TNFSF4: variants seen among roughly 807,000 people sequenced by gnomAD.
TNFSF4 encodes tumor necrosis factor ligand superfamily member 4.
Under a neutral mutation model 7.3 loss-of-function variants are expected in TNFSF4, and 4 were observed. That is an observed-to-expected ratio of 0.55 (90% CI 0.27 to 1.25). The LOEUF is 1.25. TNFSF4 is among the 50% of genes most tolerant of loss of function. The pLI, the probability that TNFSF4 is intolerant of heterozygous loss-of-function variation, is 0.12. For synonymous variants in TNFSF4, 76 were observed against 83.7 expected (o/e 0.91, Z 0.50); for missense variants, 181 against 208.8 (o/e 0.87, Z 0.82).
At chr1:173,237,675 A>G in the TNFSF4 span, among the ~76,000 whole-genome samples, 1 of 152,202 alleles carries the variant, frequency 6.6e-6, no homozygotes, top group African/African-American at 2.4e-5. Context: ...AAAAAGGATA[A>G]AATGCCTAGT....
the TNFSF4 span, among the ~76,000 whole-genome samples, chr1:173,245,795 T>A: frequency 6.6e-6 from 1 of 152,192 alleles, no homozygotes; most frequent in African/African-American, 2.4e-5. Context: ...TGTACTTCTA[T>A]GAGATCTACT....
chr1:173,197,310 T>A (rs1430662416), intron 1 of TNFSF4, among the ~76,000 whole-genome samples: 2 of 152,340 alleles, frequency 1.3e-5, no homozygotes, highest in East Asian at 3.9e-4. Flanking sequence ...AGAAACACCA[T>A]TTGACCCAGC....
At chr1:173,395,346 A>C in the TNFSF4 span, among the ~76,000 whole-genome samples, 4 of 139,564 alleles carry the variant, frequency 2.9e-5, no homozygotes, top group Non-Finnish European at 6.2e-5. Context: ...ACCACTTATA[A>C]GCATCAAAAA....
chr1:173,203,452 TAAA>T (rs1338058484), intron 1 of TNFSF4, among the ~76,000 whole-genome samples: 1 of 152,188 alleles, frequency 6.6e-6, no homozygotes, highest in Non-Finnish European at 1.5e-5. Context: ...GGTCTATTGT[TAAA>T]AAAGAACTTC....
chr1:173,205,715 T>A (rs1198309398), intron 1 of TNFSF4: 2 of 427,980 alleles, frequency 4.7e-6, no homozygotes, highest in African/African-American at 4.3e-5. Flanking sequence ...GTCTTGGGCA[T>A]CCGGTCGATG....
the TNFSF4 span, among the ~76,000 whole-genome samples, chr1:173,301,997 G>T: frequency 1.3e-3 from 192 of 151,838 alleles, no homozygotes; most frequent in African/African-American, 4.4e-3. Flanking sequence ...GAATTTATGG[G>T]AGAAAAAAAG....
the TNFSF4 span, among the ~76,000 whole-genome samples, chr1:173,414,836 A>G: frequency 2.0e-5 from 3 of 152,208 alleles, no homozygotes; most frequent in Non-Finnish European, 4.4e-5. Context: ...CCTGACTCTC[A>G]TATGACTTTG....
chr1:173,198,060 T>C (rs1235725175), intron 1 of TNFSF4, among the ~76,000 whole-genome samples: 1 of 152,218 alleles, frequency 6.6e-6, no homozygotes, highest in East Asian at 1.9e-4. Flanking sequence ...CCATTCATCC[T>C]TGAATACAAA....
chr1:173,402,857 T>C, the TNFSF4 span, among the ~76,000 whole-genome samples: 1 of 151,790 alleles, frequency 6.6e-6, no homozygotes, highest in Non-Finnish European at 1.5e-5. Context: ...ATTTGCATTT[T>C]TTTTTTTTCT....
chr1:173,174,255 T>C, the TNFSF4 span: 3 of 152,252 alleles, frequency 2.0e-5, no homozygotes, highest in African/African-American at 7.2e-5. Context: ...TATCCGCATT[T>C]TGATCAAAGC....
the TNFSF4 span, among the ~76,000 whole-genome samples, chr1:173,258,210 G>A: frequency 2.0e-5 from 3 of 151,672 alleles, no homozygotes; most frequent in Admixed American, 2.0e-4. Flanking sequence ...CTGATTAGAA[G>A]CAGCTGCAGT....
chr1:173,430,024 CAG>C, the TNFSF4 span, among the ~76,000 whole-genome samples: 2 of 152,320 alleles, frequency 1.3e-5, no homozygotes, highest in Non-Finnish European at 2.9e-5. Context: ...GTCCTCAAGA[CAG>C]AGTGTGTAGG....
chr1:173,257,018 A>G, the TNFSF4 span, among the ~76,000 whole-genome samples: 1 of 152,236 alleles, frequency 6.6e-6, no homozygotes. Context: ...TTCCTTCTTC[A>G]TCACTTCTCC....
the TNFSF4 span, among the ~76,000 whole-genome samples, chr1:173,446,460 A>C: frequency 6.6e-6 from 1 of 152,324 alleles, no homozygotes; most frequent in South Asian, 2.1e-4. Context: ...AAGTGAATGA[A>C]TAAATAAACT....
downstream of TNFSF4, among the ~76,000 whole-genome samples, chr1:173,183,286 T>C (rs1649089505): frequency 6.6e-6 from 1 of 152,026 alleles, no homozygotes; most frequent in Admixed American, 6.6e-5. Context: ...GGAACAGAAG[T>C]GTTTTAAGGA....
the TNFSF4 span, among the ~76,000 whole-genome samples, chr1:173,427,053 G>C: frequency 2.0e-5 from 3 of 152,112 alleles, no homozygotes; most frequent in African/African-American, 7.2e-5. Context: ...ATCTGGACTC[G>C]TCACCTTCAG....
At chr1:173,311,872 C>A in the TNFSF4 span, among the ~76,000 whole-genome samples, 1 of 152,118 alleles carries the variant, frequency 6.6e-6, no homozygotes, top group Non-Finnish European at 1.5e-5. Context: ...GTAATGGACA[C>A]ATCCTCTGAT....
the TNFSF4 span, among the ~76,000 whole-genome samples, chr1:173,272,615 G>C: frequency 3.3e-5 from 5 of 152,098 alleles, no homozygotes; most frequent in African/African-American, 9.7e-5. Context: ...TTGTTTTTCT[G>C]TTCAAGTTTT....
chr1:173,306,674 C>T, the TNFSF4 span, among the ~76,000 whole-genome samples: 1 of 152,070 alleles, frequency 6.6e-6, no homozygotes, highest in African/African-American at 2.4e-5. Flanking sequence ...GCCACTTACA[C>T]ATTCCCTTTA....
Sources: allele counts gnomAD v4.1 joint callset (sites outside exome capture counted in the v4.1 genomes callset), GRCh38; gene constraint gnomAD v4.1.1; transcripts MANE v1.5; gene names NCBI Gene and HGNC (gene_info 2026-07-23, HGNC 2026-07-21).